Variants in PELI1 observed in about 807,000 individuals in gnomAD.
The protein encoded by PELI1 is E3 ubiquitin-protein ligase pellino homolog 1.
In PELI1, 15 loss-of-function variants were observed where a neutral mutation model predicts 41.3. The observed-to-expected ratio is 0.36, with a 90% CI of 0.24 to 0.56. The LOEUF is 0.56. PELI1 is among the 20% of genes least tolerant of loss of function. PELI1 has a pLI of 0.82. For synonymous variants in PELI1, 178 were observed against 180.1 expected (o/e 0.99, Z 0.09); for missense variants, 403 against 525.5 (o/e 0.77, Z 2.28).
chr2:64,096,344 C>T (rs544570233), intron 5 of PELI1, 31 bp from the exon 6 acceptor site: 15 of 1,593,246 alleles, frequency 9.4e-6, no homozygotes, highest in Non-Finnish European at 1.3e-5. Context: ...GAGCTTCCAA[C>T]TTGTAACTTG....
Position 64,141,554 on chromosome 2 carries a change from T to C in PELI1, c.-70+2527A>G, listed in dbSNP as rs933039104. Among the ~76,000 whole-genome samples the C allele has an allele frequency of 2.6e-5, 4 of 152,170 alleles. No individual in the cohort carries two copies. In the East Asian group the frequency reaches 5.8e-4, roughly 22 times the overall value. ...TATAGAAGCTTCTGCCTAAAAACAT[T>C]AGTTGTCCACGAAGCATAATGACTA... On this transcript the variant is annotated intron_variant, in intron 1 of 6. Coordinates refer to ENST00000358912, the MANE Select transcript of PELI1 (RefSeq NM_020651.4).
At chr2:64,114,424 T>A (rs1349365309) in intron 1 of PELI1, among the ~76,000 whole-genome samples, 2 of 152,178 alleles carry the variant, frequency 1.3e-5, no homozygotes, top group East Asian at 3.8e-4. Context: ...GAAATAATGG[T>A]GTGCAGTAGT....
intron 1 of PELI1, among the ~76,000 whole-genome samples, chr2:64,135,700 G>A (rs1302316192): frequency 6.6e-6 from 1 of 152,058 alleles, no homozygotes; most frequent in African/African-American, 2.4e-5. Flanking sequence ...AATCTACAAA[G>A]CTTAATAGAT....
intron 1 of PELI1, among the ~76,000 whole-genome samples, chr2:64,132,785 A>C (rs1324173374): frequency 6.6e-6 from 1 of 152,220 alleles, no homozygotes; most frequent in Non-Finnish European, 1.5e-5. Flanking sequence ...TGGAAATGGC[A>C]TAGTACTTTT....
At chr2:64,124,012 TCTG>T (rs1681306620) in intron 1 of PELI1, among the ~76,000 whole-genome samples, 2 of 152,146 alleles carry the variant, frequency 1.3e-5, no homozygotes, top group Admixed American at 1.3e-4. Flanking sequence ...TGGAAAACAT[TCTG>T]CTAAGTGAAA....
chr2:64,111,959 T>A (rs888374887), intron 1 of PELI1, among the ~76,000 whole-genome samples: 2 of 152,154 alleles, frequency 1.3e-5, no homozygotes, highest in African/African-American at 4.8e-5. Context: ...AGAACAGCAA[T>A]AATTAAAAAT....
chr2:64,136,276 G>A (rs1681714617), intron 1 of PELI1, among the ~76,000 whole-genome samples: 1 of 152,008 alleles, frequency 6.6e-6, no homozygotes, highest in Non-Finnish European at 1.5e-5. Flanking sequence ...GGGCTCAGTT[G>A]TTCCATGTTA....
At chr2:64,126,557 T>G (rs1443679538) in intron 1 of PELI1, among the ~76,000 whole-genome samples, 2 of 152,130 alleles carry the variant, frequency 1.3e-5, no homozygotes, top group Non-Finnish European at 2.9e-5. Context: ...AGGTCAGAAG[T>G]TATGGGAGTA....
intron 1 of PELI1, among the ~76,000 whole-genome samples, chr2:64,134,322 T>C (rs1681649194): frequency 6.6e-6 from 1 of 152,150 alleles, no homozygotes; most frequent in African/African-American, 2.4e-5. Context: ...GTGATGAATT[T>C]TTAAAAATGT....
At chr2:64,102,765 G>T (rs1324035203) in intron 3 of PELI1, among the ~76,000 whole-genome samples, 1 of 151,360 alleles carries the variant, frequency 6.6e-6, no homozygotes, top group Non-Finnish European at 1.5e-5. Flanking sequence ...ATGACTGCCA[G>T]ACTAAATGCT....
At chr2:64,123,044 T>C (rs1035020903) in intron 1 of PELI1, among the ~76,000 whole-genome samples, 21 of 152,190 alleles carry the variant, frequency 1.4e-4, no homozygotes, top group African/African-American at 4.6e-4. Flanking sequence ...GTTTCATTAA[T>C]TTTGGAGGCA....
chr2:64,101,058 C>T (rs886983670), intron 3 of PELI1, among the ~76,000 whole-genome samples: 1 of 152,076 alleles, frequency 6.6e-6, no homozygotes, highest in Non-Finnish European at 1.5e-5. Context: ...AACCACTAGA[C>T]TCCCTTATTA....
intron 1 of PELI1, among the ~76,000 whole-genome samples, chr2:64,140,811 A>AC (rs1681885045): frequency 6.8e-6 from 1 of 147,662 alleles, no homozygotes; most frequent in Non-Finnish European, 1.5e-5. Context: ...AAACAAACAA[A>AC]AAAAAACCTA....
chr2:64,101,005 T>C (rs770257288), intron 3 of PELI1, among the ~76,000 whole-genome samples: 10 of 152,166 alleles, frequency 6.6e-5, no homozygotes, highest in Non-Finnish European at 1.2e-4. Context: ...GCTAGGATTA[T>C]AGGCGTGAGC....
At chr2:64,131,756 G>T (rs1021567127) in intron 1 of PELI1, among the ~76,000 whole-genome samples, 1 of 152,050 alleles carries the variant, frequency 6.6e-6, no homozygotes, top group Non-Finnish European at 1.5e-5. Context: ...GAGTAGCTCA[G>T]ATTACAGGCA....
intron 6 of PELI1, among the ~76,000 whole-genome samples, 192 bp downstream of exon 6, chr2:64,095,933 G>A (rs745634426): frequency 4.2e-4 from 64 of 152,112 alleles, no homozygotes; most frequent in Admixed American, 9.8e-4. Context: ...GTGAGCCACC[G>A]CGCCCGGCTA....
intron 4 of PELI1, 56 bp downstream of exon 4, chr2:64,100,342 A>G (rs1443007151): frequency 1.2e-6 from 1 of 863,818 alleles, no homozygotes; most frequent in African/African-American, 1.7e-5. Context: ...AGTCACCAAC[A>G]ATAGATTTTT....
rs113989926 is a variant in PELI1, at chr2:64,141,227, C to G, written c.-70+2854G>C. The stretch of plus-strand genomic sequence containing the variant: ...TTTTCTTCACTTTGCTGATTTTCTT[C>G]CTTTTCTCACTGGCTTTTAAATCTG... On this transcript the variant is annotated intron_variant, in intron 1 of 6. Transcript: ENST00000358912. 9.9e-5 allele frequency among the ~76,000 whole-genome samples: 15 copies of G among 152,090 alleles called. 1 individual carries two copies. The highest frequency in any genetic ancestry group is 3.6e-4 in the African/African-American group (15 of 41,440).
chr2:64,114,780 C>T (rs1680935376), intron 1 of PELI1, among the ~76,000 whole-genome samples: 1 of 152,106 alleles, frequency 6.6e-6, no homozygotes, highest in African/African-American at 2.4e-5. Context: ...TACCTAGATG[C>T]CAGTAGAACA....
Sources: gnomAD v4.1 joint callset for allele counts (sites outside exome capture counted in the v4.1 genomes callset) on GRCh38, gnomAD v4.1.1 for gene constraint, MANE v1.5 for transcripts, NCBI Gene and HGNC (gene_info 2026-07-23, HGNC 2026-07-21) for gene names.